The following TBXAS1 variants were observed in gnomAD, a reference collection of about 807,000 sequenced individuals.
TBXAS1 encodes the protein thromboxane-A synthase.
In TBXAS1, 48 loss-of-function variants were observed where a neutral mutation model predicts 60.7. That is an observed-to-expected ratio of 0.79 (90% CI 0.63 to 1.01). The LOEUF (loss-of-function observed/expected upper bound fraction) is 1.01. Among genes scored for constraint, TBXAS1 ranks in the 50% least tolerant of loss-of-function variants. The probability of loss-of-function intolerance (pLI) is 0.00; values close to 1 mark genes in which losing one functional copy is unlikely to be tolerated. For synonymous variants in TBXAS1, 287 were observed against 269.7 expected (o/e 1.06, Z -0.63); for missense variants, 685 against 686.3 (o/e 1.00, Z 0.02).
intron 4 of TBXAS1, among the ~76,000 whole-genome samples, chr7:139,926,345 C>G (rs1348539119): frequency 6.6e-6 from 1 of 152,116 alleles, no homozygotes; most frequent in Non-Finnish European, 1.5e-5. Context: ...TTGATCTGTT[C>G]AGGCTTTGGA....
In TBXAS1 at chr7:139,914,256, C is replaced by T. The variant is rs570928095; in HGVS notation, c.333+2935C>T. Among the ~76,000 whole-genome samples the T allele has an allele frequency of 6.6e-5, 10 of 152,050 alleles. No homozygotes were observed. The East Asian group carries it at 1.5e-3, about 23-fold the overall frequency. ...CTTACTATGTCGCCAAGGTTAGTCT[C>T]GAGCTCCTGGCCTCAGGTGATCCTC... is the stretch of plus-strand genomic sequence containing the variant. On this transcript the variant is annotated intron_variant, in intron 4 of 12. Coordinates refer to ENST00000448866, the MANE Select transcript of TBXAS1 (RefSeq NM_001061.7).
chr7:139,890,924 T>C (rs6464432), intron 3 of TBXAS1, among the ~76,000 whole-genome samples: 65,107 of 151,862 alleles, frequency 0.43, 15,564 homozygotes, highest in African/African-American at 0.64. Flanking sequence ...TTCTTGCAAA[T>C]TGTGCATTAT....
intron 4 of TBXAS1, among the ~76,000 whole-genome samples, chr7:139,798,729 C>T (rs547162680): frequency 3.3e-5 from 5 of 152,300 alleles, no homozygotes; most frequent in African/African-American, 1.2e-4. Context: ...AAGGAAGCTT[C>T]GGAATTTTCA....
At chr7:139,945,476 G>C (rs1311109739) in intron 5 of TBXAS1, among the ~76,000 whole-genome samples, 1 of 152,166 alleles carries the variant, frequency 6.6e-6, no homozygotes, top group African/African-American at 2.4e-5. Context: ...ATCTGTTCAT[G>C]TTTCTTGGGT....
intron 9 of TBXAS1, among the ~76,000 whole-genome samples, chr7:139,991,784 A>G (rs1812928224): frequency 6.6e-6 from 1 of 152,204 alleles, no homozygotes; most frequent in East Asian, 1.9e-4. Context: ...GAGATAAGAA[A>G]ACCAAAAAAG....
chr7:139,785,540 C>T (rs1170158843), intron 3 of TBXAS1, among the ~76,000 whole-genome samples: 1 of 151,852 alleles, frequency 6.6e-6, no homozygotes, highest in Non-Finnish European at 1.5e-5. Context: ...TTTCTACTGC[C>T]AGTACCTGAT....
rs201516273 is a variant in TBXAS1 at position 139,910,526 on chromosome 7, A to G, written c.237-699A>G. Among the ~76,000 whole-genome samples the G allele has an allele frequency of 2.3e-3, 345 of 152,208 alleles. 16 individuals carry two copies. In the South Asian group the frequency reaches 0.057, roughly 25 times the overall value. Reference sequence around the variant, plus strand: ...GTGATGGGCGCCTGTAATCCCAGCTACTCAGGAGGCTGAGGCAGAAGAATC... The same window carrying G: ...GTGATGGGCGCCTGTAATCCCAGCTGCTCAGGAGGCTGAGGCAGAAGAATC... On this transcript the variant is annotated intron_variant, in intron 3 of 12. Coordinates refer to ENST00000448866, the MANE Select transcript of TBXAS1 (RefSeq NM_001061.7).
intron 1 of TBXAS1, among the ~76,000 whole-genome samples, chr7:139,840,706 G>C (rs886367561): frequency 6.6e-6 from 1 of 152,194 alleles, no homozygotes; most frequent in Non-Finnish European, 1.5e-5. Context: ...CAGGGTTGAC[G>C]TATTGTTTCC....
chr7:139,802,709 T>C (rs927733598), intron 4 of TBXAS1, among the ~76,000 whole-genome samples: 4 of 152,028 alleles, frequency 2.6e-5, no homozygotes, highest in African/African-American at 9.7e-5. Flanking sequence ...CACTTGAACC[T>C]AGGAGGTGGA....
At chr7:139,945,799 ACTGAGGG>A (rs1187197342) in intron 5 of TBXAS1, among the ~76,000 whole-genome samples, 3 of 152,168 alleles carry the variant, frequency 2.0e-5, no homozygotes, top group Non-Finnish European at 4.4e-5. Context: ...GTCCAGAGGG[ACTGAGGG>A]CTGAGGCCAG....
At chr7:139,979,454 C>T (rs1811806627) in intron 9 of TBXAS1, among the ~76,000 whole-genome samples, 1 of 151,948 alleles carries the variant, frequency 6.6e-6, no homozygotes, top group South Asian at 2.1e-4. Context: ...CTTCAGGGCT[C>T]GATGGCTCAC....
intron 3 of TBXAS1, among the ~76,000 whole-genome samples, chr7:139,884,635 C>A (rs977266045): frequency 2.0e-5 from 3 of 152,200 alleles, no homozygotes; most frequent in African/African-American, 7.2e-5. Flanking sequence ...CCCATTCCAG[C>A]AAACACTGGC....
intron 9 of TBXAS1, among the ~76,000 whole-genome samples, chr7:139,990,524 T>G (rs566734863): frequency 6.6e-6 from 1 of 152,102 alleles, no homozygotes; most frequent in Non-Finnish European, 1.5e-5. Flanking sequence ...GGAACCCTCC[T>G]GTCCTCCAGG....
chr7:139,989,307 C>T (rs757974274), intron 9 of TBXAS1, among the ~76,000 whole-genome samples: 1 of 152,172 alleles, frequency 6.6e-6, no homozygotes, highest in Non-Finnish European at 1.5e-5. Flanking sequence ...GAGCTGCTAC[C>T]CCCAAATCAG....
chr7:139,928,889 T>C (rs1473459596), intron 4 of TBXAS1, among the ~76,000 whole-genome samples: 1 of 152,238 alleles, frequency 6.6e-6, no homozygotes, highest in Admixed American at 6.5e-5. Flanking sequence ...CACAAAGCCC[T>C]TGGGGTGAAG....
chr7:139,921,094 T>A (rs1289790995), intron 4 of TBXAS1, among the ~76,000 whole-genome samples: 2 of 152,208 alleles, frequency 1.3e-5, no homozygotes, highest in African/African-American at 2.4e-5. Flanking sequence ...AGTATTTTTT[T>A]AAATTGAAGT....
chr7:139,894,363 G>C (rs995025560), intron 3 of TBXAS1, among the ~76,000 whole-genome samples: 2 of 152,184 alleles, frequency 1.3e-5, no homozygotes, highest in East Asian at 1.9e-4. Flanking sequence ...CTTCATGCTT[G>C]TGGACTCTCC....
rs2116475752 is a variant in TBXAS1, at chr7:139,829,452, C to T, written c.62C>T (p.Ser21Leu). ...GGCCCCATGGTGACGGTGGCCCTGT[C>T]AGTGGCTCTCTTGGCCCTCCTGAAA... is the stretch of plus-strand genomic sequence containing the variant. Reference protein sequence around the residue: ...VNGPMVTVALSVALLALLKWY... With the variant: ...VNGPMVTVALLVALLALLKWY... The change falls in exon 1 of 13, where the codon TCA becomes TTA. Residue 21 changes from serine (S) to leucine (L), a missense_variant. By Grantham distance (145) the Ser-to-Leu change is moderately radical (BLOSUM62 -2). Coordinates refer to ENST00000448866, the MANE Select transcript of TBXAS1 (RefSeq NM_001061.7). 4 of 1,613,944 alleles carry T rather than the reference C, an allele frequency of 2.5e-6. No individual in the cohort carries two copies. Among genetic ancestry groups the T allele is most frequent in the Middle Eastern group, 1.7e-4 (1 of 6,060 alleles).
At chr7:139,973,227 T>C (rs893933247) in intron 9 of TBXAS1, among the ~76,000 whole-genome samples, 3 of 152,146 alleles carry the variant, frequency 2.0e-5, no homozygotes, top group African/African-American at 7.2e-5. Context: ...AGGCTGGGCT[T>C]GAATCCTGCT....
Sources: allele counts gnomAD v4.1 joint callset (sites outside exome capture counted in the v4.1 genomes callset), GRCh38; gene constraint gnomAD v4.1.1; transcripts MANE v1.5; gene names NCBI Gene and HGNC (gene_info 2026-07-23, HGNC 2026-07-21).